Variants in SPEG observed in about 807,000 individuals in gnomAD.
The protein encoded by SPEG is striated muscle enriched protein kinase.
In SPEG, 114 loss-of-function variants were observed where a neutral mutation model predicts 300.4. That is an observed-to-expected ratio of 0.38 (90% CI 0.33 to 0.44). The LOEUF (loss-of-function observed/expected upper bound fraction) is 0.44, where lower values mean the gene tolerates loss of function less well. SPEG is among the 20% of genes least tolerant of loss of function. SPEG has a pLI of 1.00. For missense variants in SPEG, 4,201 were observed against 4,586.2 expected (o/e 0.92, Z 2.43); for synonymous variants, 1,964 against 2,018.9 (o/e 0.97, Z 0.73).
chr2:219,458,313 G>A lies in SPEG; in HGVS notation c.2441-3569G>A, dbSNP rs1690356479. On this transcript the variant is annotated intron_variant, in intron 6 of 40. Coordinates refer to ENST00000312358, the MANE Select transcript of SPEG (RefSeq NM_005876.5). The surrounding 1 kb of genome is among the most constrained non-coding windows in gnomAD (Gnocchi z 4.2). ...GCCTATGAGGGGAGCTTGGCAAAGAGACCATGGAGCGGTGGTCCTCAGAGT... is the reference window on the plus strand; with the variant it reads ...GCCTATGAGGGGAGCTTGGCAAAGAAACCATGGAGCGGTGGTCCTCAGAGT... 1.3e-5 allele frequency among the ~76,000 whole-genome samples: 2 copies of A among 152,194 alleles called. No individual in the cohort carries two copies. The highest frequency in any genetic ancestry group is 4.1e-4 in the South Asian group (2 of 4,834).
rs1455911434 is a variant in SPEG, at chr2:219,481,216, G to A, written c.5370-88G>A. On this transcript the variant is annotated intron_variant, in intron 26 of 40. Transcript: ENST00000312358. The surrounding 1 kb of genome is among the most constrained non-coding windows in gnomAD (Gnocchi z 5.4). ...CCTCTGTCATCCTCACAACCCCAGAGCCTCCATCTGTCCCCAGCCCTGTGC... is the reference window on the plus strand; with the variant it reads ...CCTCTGTCATCCTCACAACCCCAGAACCTCCATCTGTCCCCAGCCCTGTGC... 1.4e-6 allele frequency: 2 copies of A among 1,400,592 alleles called. No individual in the cohort carries two copies. The highest frequency in any genetic ancestry group is 1.8e-5 in the Admixed American group (1 of 55,248). The allele number at this position is 1,400,592 out of a possible 1,614,324, so 86.8% of individuals were successfully genotyped here.
At position 219,459,029 on chromosome 2, in the gene SPEG, G is replaced by A. The variant is rs1690421237; in HGVS notation, c.2441-2853G>A. The stretch of plus-strand genomic sequence containing the variant: ...AGGGGACGCTGAAACAGTTGGGGTC[G>A]GTGGATGTGCTGGTCTGAGGAGAGG... On this transcript the variant is annotated intron_variant, in intron 6 of 40. Transcript: ENST00000312358. The surrounding 1 kb of genome is among the most constrained non-coding windows in gnomAD (Gnocchi z 4.9). Among the ~76,000 whole-genome samples the A allele has an allele frequency of 6.6e-6, 1 of 152,206 alleles. No individual in the cohort carries two copies. The highest frequency in any genetic ancestry group is 2.4e-5 in the African/African-American group (1 of 41,452).
In SPEG at chr2:219,460,653, C is replaced by T. The variant is rs73991561; in HGVS notation, c.2441-1229C>T. ...CAGAGTGGCTAAATCCAGACGGCCGCGCTCCGCCCTCCCTCCCCTCTCCCC... is the reference window on the plus strand; with the variant it reads ...CAGAGTGGCTAAATCCAGACGGCCGTGCTCCGCCCTCCCTCCCCTCTCCCC... On this transcript the variant is annotated intron_variant, in intron 6 of 40. Transcript: ENST00000312358. The T allele has an allele frequency of 1.0e-2, 9,808 of 985,522 alleles. 708 individuals are homozygous for T. In the African/African-American group the frequency reaches 0.16, roughly 16 times the overall value. 61.0% of individuals were successfully genotyped at this position (985,522 alleles called of 1,614,324 possible).
At chr2:219,442,714 C>G (rs895114775) in intron 1 of SPEG, among the ~76,000 whole-genome samples, 14 of 151,274 alleles carry the variant, frequency 9.3e-5, no homozygotes, top group Non-Finnish European at 2.1e-4. Flanking sequence ...CCCCGCCCCC[C>G]GCATCCCCAT....
intron 1 of SPEG, chr2:219,442,066 G>A: frequency 8.4e-7 from 1 of 1,194,134 alleles, no homozygotes; most frequent in Non-Finnish European, 1.0e-6. Context: ...GAAGCTGTGG[G>A]TGAAGAAGCG....
Position 219,443,138 on chromosome 2 carries a change from C to T in SPEG, c.389-1515C>T. On this transcript the variant is annotated intron_variant, in intron 1 of 40. Transcript: ENST00000312358. This position sits in a 1 kb window ranked among gnomAD's most constrained non-coding sequence, Gnocchi z 4.6. Reference sequence around the variant, plus strand: ...CGGCCATTCCCGCCGGGCCTTTGGCCGACTCACCCATGGTGCGTGGACCGT... The same window carrying T: ...CGGCCATTCCCGCCGGGCCTTTGGCTGACTCACCCATGGTGCGTGGACCGT... The T allele has an allele frequency of 6.2e-7, 1 of 1,612,690 alleles. No homozygotes were observed. The highest frequency in any genetic ancestry group is 8.5e-7 in the Non-Finnish European group (1 of 1,179,802).
Position 219,481,849 on chromosome 2 carries a change from C to T in SPEG, c.5565+169C>T, listed in dbSNP as rs527441102. 6.6e-6 allele frequency among the ~76,000 whole-genome samples: 1 copy of T among 152,354 alleles called. No homozygotes were observed. The highest frequency in any genetic ancestry group is 2.4e-5 in the African/African-American group (1 of 41,576). On this transcript the variant is annotated intron_variant, in intron 28 of 40. Transcript: ENST00000312358. The surrounding 1 kb of genome is among the most constrained non-coding windows in gnomAD (Gnocchi z 5.4). ...TTGCAAAGGAAGGCATTATTAGTCC[C>T]ATTTTGTTGACAAGGAAACAGGCTC...
intron 1 of SPEG, among the ~76,000 whole-genome samples, chr2:219,441,196 G>A (rs1688894359): frequency 6.6e-6 from 1 of 152,202 alleles, no homozygotes; most frequent in African/African-American, 2.4e-5. Flanking sequence ...ATAGGGCAGG[G>A]ATCGGGTGGA....
chr2:219,461,824 G>T, intron 6 of SPEG, 58 bp from the exon 7 acceptor site: 2 of 1,546,128 alleles, frequency 1.3e-6, no homozygotes. Flanking sequence ...ATTCCAGCCA[G>T]CTCTCCCAGG....
Position 219,467,239 on chromosome 2 carries a change from G to C in SPEG, c.2947G>C (p.Glu983Gln). Residue 983 changes from glutamate to glutamine, a missense_variant, in exon 10 of 41, where the codon GAG becomes CAG. Around this residue, in one of 4 missense-constraint regions of SPEG, gnomAD observed 1,047 missense variants for 1,356.8 expected, o/e 0.77. Transcript: ENST00000312358. ...GCAGGACGTGGACGTGGGGGCCGGGGAGATGGCGCTGTTTGAGTGCCTGGT... is the reference window on the plus strand; with the variant it reads ...GCAGGACGTGGACGTGGGGGCCGGGCAGATGGCGCTGTTTGAGTGCCTGGT... Reference protein sequence around the residue: ...PLQDVDVGAGEMALFECLVAG... With the variant: ...PLQDVDVGAGQMALFECLVAG... 6.2e-7 allele frequency: 1 copy of C among 1,605,568 alleles called. No homozygotes were observed. The highest frequency in any genetic ancestry group is 8.5e-7 in the Non-Finnish European group (1 of 1,177,968).
Position 219,464,719 on chromosome 2 carries a change from A to C in SPEG, c.2881+111A>C. Reference sequence around the variant, plus strand: ...AGGATGCCACCACTGAAAGGGCCTTAAGGGGCCCCTAGTCCAGCTGCTTAT... The same window carrying C: ...AGGATGCCACCACTGAAAGGGCCTTCAGGGGCCCCTAGTCCAGCTGCTTAT... On this transcript the variant is annotated intron_variant, in intron 9 of 40. Transcript: ENST00000312358. The surrounding 1 kb of genome is among the most constrained non-coding windows in gnomAD (Gnocchi z 4.5). The C allele has an allele frequency of 9.1e-7, 1 of 1,099,768 alleles. No homozygotes were observed. The highest frequency in any genetic ancestry group is 1.3e-6 in the Non-Finnish European group (1 of 760,442). The allele number at this position is 1,099,768 out of a possible 1,614,324, so 68.1% of individuals were successfully genotyped here.
rs757589233 is a variant in SPEG, at chr2:219,485,438, CAGG to C, written c.7708_7710del (p.Glu2570del). The C allele has an allele frequency of 1.2e-6, 2 of 1,602,824 alleles. No individual in the cohort carries two copies. The highest frequency in any genetic ancestry group is 1.3e-5 in the African/African-American group (1 of 74,382). ...GCCACCAAACCTCTCTGCCAGCGTC[CAGG>C]AGGAGTTGGGTCACCAGTACGTGCG... On this transcript the variant is annotated inframe_deletion, in exon 31 of 41. Transcript: ENST00000312358.
chr2:219,488,752 A>T, intron 33 of SPEG, 26 bp from the exon 34 acceptor site: 2 of 1,611,610 alleles, frequency 1.2e-6, no homozygotes, highest in Non-Finnish European at 1.7e-6. Flanking sequence ...ATAGGGGCTC[A>T]CTGGGACTCT....
At chr2:219,457,664 G>A (rs1690297606) in intron 6 of SPEG, among the ~76,000 whole-genome samples, 1 of 152,208 alleles carries the variant, frequency 6.6e-6, no homozygotes, top group Non-Finnish European at 1.5e-5. Context: ...ACCTTTGTGT[G>A]GCCTCTACCA....
intron 1 of SPEG, 131 bp downstream of exon 1, chr2:219,435,496 G>C: frequency 1.9e-6 from 2 of 1,052,556 alleles, no homozygotes; most frequent in South Asian, 1.8e-5. Flanking sequence ...CTGGCTTCTC[G>C]GCTGCCCGGC....
At chr2:219,442,111 G>A (rs1688963202) in intron 1 of SPEG, 3 of 1,182,220 alleles carry the variant, frequency 2.5e-6, no homozygotes, top group Non-Finnish European at 3.2e-6. Context: ...GGGCGGCGCC[G>A]GGAGGGGGCA....
At chr2:219,471,779 G>T in intron 13 of SPEG, 89 bp from the exon 14 acceptor site, 1 of 1,530,514 alleles carries the variant, frequency 6.5e-7, no homozygotes. Flanking sequence ...AGTGGATGGG[G>T]GTGAGGGACC....
In SPEG at chr2:219,481,544, C is replaced by A. The variant is rs1294941494; in HGVS notation, c.5522+88C>A. The A allele has an allele frequency of 6.2e-7, 1 of 1,603,404 alleles. No homozygotes were observed. Among genetic ancestry groups the A allele is most frequent in the African/African-American group, 1.3e-5 (1 of 74,686 alleles). ...TCCCAAACTCCTGCCCCTCGACATG[C>A]AAGCCCCCAACTCCTTAGGAGCCCT... On this transcript the variant is annotated intron_variant, in intron 27 of 40. Transcript: ENST00000312358. This position sits in a 1 kb window ranked among gnomAD's most constrained non-coding sequence, Gnocchi z 5.4.
chr2:219,457,721 C>T (rs539750372), intron 6 of SPEG, among the ~76,000 whole-genome samples: 2 of 152,198 alleles, frequency 1.3e-5, no homozygotes, highest in African/African-American at 4.8e-5. Flanking sequence ...GGCTGGCCCT[C>T]GGGTGGCAGT....
Sources: gnomAD v4.1 joint callset for allele counts (sites outside exome capture counted in the v4.1 genomes callset) on GRCh38, gnomAD v4.1.1 for gene constraint, gnomAD v4.1.1 regional missense constraint, Gnocchi (gnomAD v3.1) non-coding constraint, MANE v1.5 for transcripts, NCBI Gene and HGNC (gene_info 2026-07-23, HGNC 2026-07-21) for gene names.